Variants in PPA2 observed in about 807,000 individuals in gnomAD.
PPA2 encodes inorganic pyrophosphatase 2.
Under a neutral mutation model 49.5 loss-of-function variants are expected in PPA2, and 48 were observed. The ratio of observed to expected loss-of-function variants is 0.97; its 90% CI spans 0.77 to 1.23. The LOEUF is 1.23. Ranked by LOEUF, PPA2 falls within the 50% of genes most tolerant of loss-of-function variation. The pLI is 0.00. For synonymous variants in PPA2, 131 were observed against 139.9 expected, an observed-to-expected ratio of 0.94 and a Z score of 0.45; for missense variants, 429 against 410.1, an observed-to-expected ratio of 1.05 and a Z score of -0.40.
chr4:105,427,831 T>C (rs1020642195), intron 6 of PPA2, among the ~76,000 whole-genome samples: 1 of 152,064 alleles, frequency 6.6e-6, no homozygotes, highest in Admixed American at 6.5e-5. Context: ...AACATTCAAA[T>C]TCAGGAAATA....
intron 10 of PPA2, among the ~76,000 whole-genome samples, chr4:105,385,559 G>A (rs1017988): frequency 0.16 from 23,740 of 151,978 alleles, 2,257 homozygotes; most frequent in African/African-American, 0.27. Context: ...AAATCTCATC[G>A]TTCTTAAAAA....
chr4:105,447,568 T>C (rs959332981), intron 4 of PPA2, among the ~76,000 whole-genome samples: 5 of 152,214 alleles, frequency 3.3e-5, no homozygotes, highest in African/African-American at 4.8e-5. Context: ...ATGTGACAGA[T>C]ATATTATTTA....
In PPA2 at chr4:105,369,526, ATCT is replaced by A. The variant is rs980842467; in HGVS notation, c.*196_*198del. On this transcript the variant is annotated 3_prime_UTR_variant, in exon 12 of 12. Coordinates refer to ENST00000341695, the MANE Select transcript of PPA2 (RefSeq NM_176869.3). ...GCATGAGCCACCGTGCCTGGCCAAA[ATCT>A]TCTTTTTATATCAATAAATGTCCAA... is the stretch of plus-strand genomic sequence containing the variant. 7.3e-6 allele frequency: 4 copies of A among 544,842 alleles called. No individual in the cohort carries two copies. The highest frequency in any genetic ancestry group is 5.8e-5 in the African/African-American group (3 of 51,800). 33.8% of individuals were successfully genotyped at this position (544,842 alleles called of 1,614,324 possible). A position where few individuals can be genotyped will look rare whatever the true frequency, so the allele number is the denominator to read the frequency against.
intron 1 of PPA2, among the ~76,000 whole-genome samples, chr4:105,470,409 T>G (rs1723473027): frequency 6.6e-6 from 1 of 152,314 alleles, no homozygotes; most frequent in African/African-American, 2.4e-5. Context: ...TCGCTTGAGC[T>G]GGGGAAGTCA....
At chr4:105,411,228 T>C (rs1387964656) in intron 7 of PPA2, among the ~76,000 whole-genome samples, 1 of 151,348 alleles carries the variant, frequency 6.6e-6, no homozygotes, top group East Asian at 1.9e-4. Flanking sequence ...ATCAAGCAAA[T>C]GGAAAGCAAA....
chr4:105,387,518 C>T (rs1008822576), intron 9 of PPA2, among the ~76,000 whole-genome samples: 1 of 152,044 alleles, frequency 6.6e-6, no homozygotes, highest in Non-Finnish European at 1.5e-5. Context: ...GCCGAGATAT[C>T]GGTGATAAAA....
At chr4:105,441,787 C>G (rs1724375149) in intron 5 of PPA2, among the ~76,000 whole-genome samples, 1 of 152,006 alleles carries the variant, frequency 6.6e-6, no homozygotes, top group Non-Finnish European at 1.5e-5. Flanking sequence ...TAAAACAAAT[C>G]CTTCTCATTT....
At chr4:105,404,773 C>A (rs1387066855) in intron 7 of PPA2, among the ~76,000 whole-genome samples, 2 of 152,174 alleles carry the variant, frequency 1.3e-5, no homozygotes, top group Non-Finnish European at 2.9e-5. Context: ...GCTTTACAAG[C>A]TTTTATCTTT....
intron 7 of PPA2, among the ~76,000 whole-genome samples, chr4:105,410,658 C>A (rs529173975): frequency 6.6e-6 from 1 of 152,250 alleles, no homozygotes; most frequent in African/African-American, 2.4e-5. Flanking sequence ...TAAGGGCAGC[C>A]AGAGAGAAAG....
At chr4:105,450,549 T>C (rs565309864) in intron 3 of PPA2, among the ~76,000 whole-genome samples, 3 of 150,574 alleles carry the variant, frequency 2.0e-5, no homozygotes, top group South Asian at 2.1e-4. Context: ...CTAATTTTTG[T>C]ATTCTTAGTA....
intron 7 of PPA2, among the ~76,000 whole-genome samples, chr4:105,401,251 G>C (rs1327440826): frequency 6.6e-6 from 1 of 152,098 alleles, no homozygotes; most frequent in Non-Finnish European, 1.5e-5. Context: ...CTACAGCTAA[G>C]ATAGTTTAAA....
intron 1 of PPA2, among the ~76,000 whole-genome samples, chr4:105,465,216 G>C (rs765215376): frequency 6.6e-6 from 1 of 152,082 alleles, no homozygotes; most frequent in African/African-American, 2.4e-5. Flanking sequence ...TTGTCTATGT[G>C]TTTATTTTTG....
At chr4:105,464,531 T>A (rs542478497) in intron 1 of PPA2, among the ~76,000 whole-genome samples, 18 of 152,122 alleles carry the variant, frequency 1.2e-4, no homozygotes, top group African/African-American at 4.3e-4. Flanking sequence ...GACATGAGAT[T>A]TGAGAGGGGC....
At chr4:105,461,820 A>G (rs1287068536) in intron 1 of PPA2, among the ~76,000 whole-genome samples, 1 of 152,262 alleles carries the variant, frequency 6.6e-6, no homozygotes, top group East Asian at 1.9e-4. Context: ...GACAAGTGCT[A>G]CACAGTGATC....
At chr4:105,401,452 A>G (rs976060638) in intron 7 of PPA2, among the ~76,000 whole-genome samples, 12 of 152,172 alleles carry the variant, frequency 7.9e-5, no homozygotes, top group Non-Finnish European at 1.5e-4. Context: ...TAAAATATCC[A>G]TAATATAAAA....
intron 5 of PPA2, among the ~76,000 whole-genome samples, chr4:105,438,921 T>C (rs554135556): frequency 2.0e-5 from 3 of 152,244 alleles, no homozygotes; most frequent in South Asian, 2.1e-4. Flanking sequence ...ACAAACAAAC[T>C]TATTTACAGC....
At chr4:105,379,765 C>A (rs1214125602) in intron 10 of PPA2, among the ~76,000 whole-genome samples, 2 of 151,644 alleles carry the variant, frequency 1.3e-5, no homozygotes, top group Non-Finnish European at 2.9e-5. Context: ...TCCTGAGTAG[C>A]TGGGATTACA....
intron 6 of PPA2, among the ~76,000 whole-genome samples, chr4:105,425,154 AACAACATCCAGGCACTCGACATAAC>A (rs1005612711): frequency 3.9e-5 from 6 of 152,254 alleles, no homozygotes; most frequent in African/African-American, 1.4e-4. Context: ...AAAGGAAGAC[AACAACATCCAGGCACTCGACATAAC>A]ACAACATCCA....
At chr4:105,384,124 A>G (rs1225846976) in intron 10 of PPA2, among the ~76,000 whole-genome samples, 1 of 152,208 alleles carries the variant, frequency 6.6e-6, no homozygotes. Flanking sequence ...TAAGAATCCG[A>G]AATCATTCAT....
Sources: allele counts gnomAD v4.1 joint callset (sites outside exome capture counted in the v4.1 genomes callset), GRCh38; gene constraint gnomAD v4.1.1; transcripts MANE v1.5; gene names NCBI Gene and HGNC (gene_info 2026-07-23, HGNC 2026-07-21).